The following DOCK4 variants were observed in gnomAD, a reference collection of about 807,000 sequenced individuals.
DOCK4 encodes the protein dedicator of cytokinesis 4.
A neutral mutation model predicts 268.1 loss-of-function variants in DOCK4; 97 were observed. The observed-to-expected ratio is 0.36, with a 90% CI of 0.31 to 0.43. The LOEUF is 0.43. Ranked by LOEUF, DOCK4 falls within the 20% of genes least tolerant of loss-of-function variation. The probability of loss-of-function intolerance (pLI) is 1.00; values close to 1 mark genes in which losing one functional copy is unlikely to be tolerated. For missense variants in DOCK4, 2,145 were observed against 2,455.7 expected (o/e 0.87, Z 2.67); for synonymous variants, 954 against 887.2 (o/e 1.08, Z -1.34).
intron 12 of DOCK4, among the ~76,000 whole-genome samples, chr7:111,922,180 C>T (rs1018657473): frequency 2.0e-5 from 3 of 152,202 alleles, no homozygotes; most frequent in African/African-American, 7.2e-5. Context: ...TTAGAAGACA[C>T]TTAGCATGTA....
intron 1 of DOCK4, among the ~76,000 whole-genome samples, chr7:112,118,583 GT>G (rs1812405685): frequency 6.6e-6 from 1 of 152,034 alleles, no homozygotes; most frequent in African/African-American, 2.4e-5. Flanking sequence ...GTACCTCACC[GT>G]TGAGTGGCCA....
At chr7:111,796,665 T>TAAGTCC in intron 30 of DOCK4, among the ~76,000 whole-genome samples, 1 of 152,208 alleles carries the variant, frequency 6.6e-6, no homozygotes, top group East Asian at 1.9e-4. Flanking sequence ...TTTTTAAAGG[T>TAAGTCC]AAGTGCTTTA....
chr7:112,164,447 T>A (rs985544553), intron 1 of DOCK4, among the ~76,000 whole-genome samples: 2 of 152,214 alleles, frequency 1.3e-5, no homozygotes, highest in Admixed American at 1.3e-4. Context: ...TATAAACATT[T>A]GAAAACTGAA....
intron 52 of DOCK4, 102 bp downstream of exon 52, chr7:111,732,124 G>T (rs2133370821): frequency 8.5e-7 from 1 of 1,172,226 alleles, no homozygotes; most frequent in Non-Finnish European, 1.2e-6. Flanking sequence ...TTCTTTGCCT[G>T]GTCCCTGCAA....
At chr7:111,740,953 CAAG>C (rs1288675948) in intron 47 of DOCK4, 138 bp downstream of exon 47, 2 of 974,182 alleles carry the variant, frequency 2.1e-6, no homozygotes, top group Admixed American at 2.3e-5. Context: ...ACCCATAAAG[CAAG>C]AAGAGTGTTT....
chr7:111,868,094 C>T lies in DOCK4; in HGVS notation c.2170G>A (p.Gly724Ser). 3.1e-6 allele frequency: 5 copies of T among 1,613,368 alleles called. No homozygotes were observed. The highest frequency in any genetic ancestry group is 4.2e-6 in the Non-Finnish European group (5 of 1,179,600). ...QSRRLFSLAT[G>S]GQNEEEFRCC... ...CGGAACTCCTCTTCGTTTTGCCCAC[C>T]AGTGGCAAGGGAAAACAGCCTTCGA... The change falls in exon 22 of 53, where the codon GGT (glycine) becomes AGT (serine). Residue 724 changes from glycine to serine, a missense_variant. By Grantham distance (56) the Gly-to-Ser change is moderately conservative. Transcript: ENST00000428084.
intron 1 of DOCK4, among the ~76,000 whole-genome samples, chr7:112,133,385 T>C (rs1813992923): frequency 6.6e-6 from 1 of 152,204 alleles, no homozygotes; most frequent in Non-Finnish European, 1.5e-5. Flanking sequence ...ATCTTTTATT[T>C]AGGCTCTTTG....
At chr7:112,139,078 T>C (rs913534981) in intron 1 of DOCK4, among the ~76,000 whole-genome samples, 1 of 152,152 alleles carries the variant, frequency 6.6e-6, no homozygotes, top group African/African-American at 2.4e-5. Context: ...TTTGTGACAG[T>C]AGCCTGAGCA....
intron 17 of DOCK4, among the ~76,000 whole-genome samples, chr7:111,876,082 G>T (rs1806842607): frequency 6.6e-6 from 1 of 152,092 alleles, no homozygotes. Context: ...AAATACTTGA[G>T]GTTTGGTAAA....
At chr7:111,757,611 T>C (rs1797118621) in intron 41 of DOCK4, among the ~76,000 whole-genome samples, 1 of 152,162 alleles carries the variant, frequency 6.6e-6, no homozygotes, top group Admixed American at 6.5e-5. Flanking sequence ...ATCAAATCTC[T>C]GGGCACAAGG....
chr7:111,956,121 T>A (rs2134929233), intron 8 of DOCK4, among the ~76,000 whole-genome samples: 1 of 152,326 alleles, frequency 6.6e-6, no homozygotes, highest in South Asian at 2.1e-4. Flanking sequence ...TTATATCATT[T>A]GATCATTGTA....
intron 1 of DOCK4, among the ~76,000 whole-genome samples, chr7:112,087,257 C>T (rs1255584167): frequency 6.6e-6 from 1 of 152,112 alleles, no homozygotes; most frequent in Non-Finnish European, 1.5e-5. Context: ...CCCCTTCTGA[C>T]ACTCAGGTGC....
intron 50 of DOCK4, among the ~76,000 whole-genome samples, chr7:111,736,434 C>A (rs979097639): frequency 4.6e-5 from 7 of 152,160 alleles, no homozygotes; most frequent in Admixed American, 1.3e-4. Flanking sequence ...TGAGGCAGGG[C>A]ACACTCCATT....
At chr7:111,787,802 T>C (rs565169782) in intron 32 of DOCK4, among the ~76,000 whole-genome samples, 2 of 152,342 alleles carry the variant, frequency 1.3e-5, no homozygotes, top group South Asian at 4.1e-4. Flanking sequence ...ACTGCATTAT[T>C]TTGCACTTCT....
At chr7:111,837,574 G>A (rs1216320353) in intron 25 of DOCK4, among the ~76,000 whole-genome samples, 1 of 152,058 alleles carries the variant, frequency 6.6e-6, no homozygotes, top group Non-Finnish European at 1.5e-5. Flanking sequence ...TAAGATCAAT[G>A]TACAAAAATA....
At chr7:111,937,236 G>T (rs1157675991) in intron 11 of DOCK4, among the ~76,000 whole-genome samples, 1 of 152,074 alleles carries the variant, frequency 6.6e-6, no homozygotes, top group Non-Finnish European at 1.5e-5. Flanking sequence ...TTATCAAATA[G>T]AAATTTCTCC....
Position 111,915,855 on chromosome 7 carries a change from T to G in DOCK4, c.1116A>C (p.Arg372Ser). Residue 372 changes from arginine to serine, a missense_variant, in exon 13 of 53, where the codon AGA (arginine) becomes AGC (serine). Around this residue, in one of 2 missense-constraint regions of DOCK4, gnomAD observed 1,598 missense variants for 1,986.7 expected, o/e 0.80. Transcript: ENST00000428084. The stretch of plus-strand genomic sequence containing the variant: ...GAGAAAATACTGATGAATATTCCCT[T>G]CTGATTTGTTCAATGTCTCCGTGCA... The part of the protein sequence containing the change: ...QLLHGDIEQI[R>S]REYSSVFSHG... 2 of 1,612,608 alleles carry G rather than the reference T, an allele frequency of 1.2e-6. No homozygotes were observed. The highest frequency in any genetic ancestry group is 1.7e-6 in the Non-Finnish European group (2 of 1,179,332).
At chr7:112,178,632 C>G (rs1168036626) in intron 1 of DOCK4, among the ~76,000 whole-genome samples, 2 of 152,208 alleles carry the variant, frequency 1.3e-5, no homozygotes, top group South Asian at 4.1e-4. Flanking sequence ...GAGTTCCAAT[C>G]TGACAGAGAA....
chr7:112,010,989 A>G (rs950677549), intron 1 of DOCK4, among the ~76,000 whole-genome samples: 4 of 152,166 alleles, frequency 2.6e-5, no homozygotes, highest in East Asian at 1.9e-4. Context: ...TTGGAAATCA[A>G]TGACTCTCCC....
Sources: allele counts gnomAD v4.1 joint callset (sites outside exome capture counted in the v4.1 genomes callset), GRCh38; gene constraint gnomAD v4.1.1; regional missense constraint gnomAD v4.1.1; transcripts MANE v1.5; gene names NCBI Gene and HGNC (gene_info 2026-07-23, HGNC 2026-07-21).